Variants in KIAA1958 observed in about 807,000 individuals in gnomAD.
KIAA1958 encodes KIAA1958.
A neutral mutation model predicts 47.2 loss-of-function variants in KIAA1958; 14 were observed. The ratio of observed to expected loss-of-function variants is 0.30; its 90% CI spans 0.20 to 0.46. The LOEUF is 0.46. KIAA1958 is among the 20% of genes least tolerant of loss of function. The pLI, the probability that KIAA1958 is intolerant of heterozygous loss-of-function variation, is 1.00. For missense variants in KIAA1958, 803 were observed against 909.2 expected, an observed-to-expected ratio of 0.88 and a Z score of 1.50; for synonymous variants, 354 against 353.3, an observed-to-expected ratio of 1.00 and a Z score of -0.02.
At chr9:112,506,421 A>G (rs1834236119) in intron 1 of KIAA1958, among the ~76,000 whole-genome samples, 1 of 152,146 alleles carries the variant, frequency 6.6e-6, no homozygotes, top group Non-Finnish European at 1.5e-5. Context: ...ACGCCACTAC[A>G]CTCTAGCCTG....
At chr9:112,532,831 G>A (rs1056062816) in intron 1 of KIAA1958, among the ~76,000 whole-genome samples, 1 of 152,150 alleles carries the variant, frequency 6.6e-6, no homozygotes, top group African/African-American at 2.4e-5. Flanking sequence ...GTACTCAATG[G>A]TAATGCCTCT....
intron 2 of KIAA1958, among the ~76,000 whole-genome samples, chr9:112,595,676 T>TA (rs57064581): frequency 9.7e-5 from 13 of 133,548 alleles, no homozygotes; most frequent in East Asian, 4.4e-4. Context: ...AGACTCCATC[T>TA]AAAAAAAAAA....
intron 2 of KIAA1958, among the ~76,000 whole-genome samples, chr9:112,584,335 A>T (rs1454195840): frequency 6.6e-6 from 1 of 152,252 alleles, no homozygotes; most frequent in African/African-American, 2.4e-5. Context: ...GGTTCATGGT[A>T]AACATACTCT....
At chr9:112,563,081 C>CTA (rs1357997391) in intron 1 of KIAA1958, among the ~76,000 whole-genome samples, 54 of 78,728 alleles carry the variant, frequency 6.9e-4, no homozygotes, top group Admixed American at 2.1e-3. Flanking sequence ...CTCTCTCTCT[C>CTA]TCTCTATATA....
Position 112,618,851 on chromosome 9 carries a change from G to A in KIAA1958, c.1172-26799G>A, listed in dbSNP as rs772489228. On this transcript the variant is annotated intron_variant, in intron 2 of 3. Coordinates refer to ENST00000337530, the MANE Select transcript of KIAA1958 (RefSeq NM_133465.4). The surrounding 1 kb of genome is among the most constrained non-coding windows in gnomAD (Gnocchi z 7.1). ...CCAGCAGGCTGCCCAGTCAGTGGCC[G>A]GCCACTCCAACAATGGCAATTTCAT... The A allele has an allele frequency of 1.8e-5, 28 of 1,550,028 alleles. No homozygotes were observed. Among genetic ancestry groups the A allele is most frequent in the Middle Eastern group, 1.7e-4 (1 of 6,012 alleles).
chr9:112,644,807 T>C (rs569041849), intron 2 of KIAA1958, among the ~76,000 whole-genome samples: 11 of 152,092 alleles, frequency 7.2e-5, no homozygotes, highest in African/African-American at 2.7e-4. Context: ...AACACCTCTC[T>C]CTATGAATTT....
chr9:112,496,387 G>C (rs1834052154), intron 1 of KIAA1958, among the ~76,000 whole-genome samples: 1 of 152,234 alleles, frequency 6.6e-6, no homozygotes, highest in South Asian at 2.1e-4. Flanking sequence ...TGTTCTGTTA[G>C]AAGCCAGAAT....
chr9:112,632,525 A>G (rs1836728101), intron 2 of KIAA1958, among the ~76,000 whole-genome samples: 1 of 152,154 alleles, frequency 6.6e-6, no homozygotes, highest in East Asian at 1.9e-4. Flanking sequence ...CCTGGCCAAC[A>G]TTTAGATATG....
rs71999105 is a variant in KIAA1958 at position 112,635,214 on chromosome 9, T to TTGTGTGTGTGTG, written c.1172-10396_1172-10385dup. Among the ~76,000 whole-genome samples, 291 of 130,408 alleles carry TTGTGTGTGTGTG rather than the reference T, an allele frequency of 2.2e-3. 1 individual carries two copies. Among genetic ancestry groups the TTGTGTGTGTGTG allele is most frequent in the Middle Eastern group, 7.1e-3 (2 of 280 alleles). The allele number at this position is 130,408 out of a possible 152,430, so 85.6% of individuals were successfully genotyped here. A position where few individuals can be genotyped will look rare whatever the true frequency, so the allele number is the denominator to read the frequency against. On this transcript the variant is annotated intron_variant, in intron 2 of 3. Transcript: ENST00000337530. ...AAGTTTTATTTTGAGATTCTTTATTTTGTGTGTGTGTGTGTGTGTGTGTGT... is the reference window on the plus strand; with the variant it reads ...AAGTTTTATTTTGAGATTCTTTATTTTGTGTGTGTGTGTGTGTGTGTGTGTGTGTGTGTGTGT...
chr9:112,490,937 C>G (rs191148763), intron 1 of KIAA1958, among the ~76,000 whole-genome samples: 26 of 152,114 alleles, frequency 1.7e-4, no homozygotes, highest in Non-Finnish European at 3.5e-4. Flanking sequence ...CATTATGTAT[C>G]AAAAGAAATT....
intron 2 of KIAA1958, among the ~76,000 whole-genome samples, chr9:112,621,736 A>G (rs538379690): frequency 1.0e-4 from 15 of 150,576 alleles, no homozygotes; most frequent in African/African-American, 3.1e-4. Flanking sequence ...AAATTACAGT[A>G]TCAGTCTTTG....
At chr9:112,524,626 G>T (rs981124155) in intron 1 of KIAA1958, among the ~76,000 whole-genome samples, 1 of 152,162 alleles carries the variant, frequency 6.6e-6, no homozygotes, top group Non-Finnish European at 1.5e-5. Flanking sequence ...GTTATCCAGA[G>T]ATCTTTCTGT....
At chr9:112,593,287 C>T (rs979934317) in intron 2 of KIAA1958, among the ~76,000 whole-genome samples, 4 of 152,210 alleles carry the variant, frequency 2.6e-5, no homozygotes, top group African/African-American at 9.6e-5. Context: ...TCTGAATATA[C>T]ATCAGTAACC....
chr9:112,488,950 C>T (rs994729941), intron 1 of KIAA1958, among the ~76,000 whole-genome samples: 3 of 152,138 alleles, frequency 2.0e-5, no homozygotes, highest in Non-Finnish European at 2.9e-5. Context: ...TACTTAAAAC[C>T]TAGCAGTGAT....
intron 2 of KIAA1958, among the ~76,000 whole-genome samples, chr9:112,596,965 A>T (rs1836043052): frequency 6.6e-6 from 1 of 152,208 alleles, no homozygotes; most frequent in Non-Finnish European, 1.5e-5. Flanking sequence ...ATGGTTTCTA[A>T]TCAAATGTTT....
At chr9:112,598,792 C>T (rs1282983688) in intron 2 of KIAA1958, among the ~76,000 whole-genome samples, 1 of 152,062 alleles carries the variant, frequency 6.6e-6, no homozygotes, top group Non-Finnish European at 1.5e-5. Flanking sequence ...ATTTTTAGGC[C>T]AAGCATGGTG....
At chr9:112,500,225 C>T (rs1045392662) in intron 1 of KIAA1958, among the ~76,000 whole-genome samples, 4 of 151,984 alleles carry the variant, frequency 2.6e-5, no homozygotes, top group African/African-American at 9.7e-5. Flanking sequence ...CTCAGCCTCC[C>T]GAGTAGCTGG....
At chr9:112,487,946 CGT>C (rs57108785) in intron 1 of KIAA1958, among the ~76,000 whole-genome samples, 3,383 of 145,716 alleles carry the variant, frequency 0.023, 102 homozygotes, top group East Asian at 0.11. Context: ...AGTGTGTGTG[CGT>C]GTGTGTGTGT....
chr9:112,592,990 A>G (rs1483860772), intron 2 of KIAA1958, among the ~76,000 whole-genome samples: 2 of 152,250 alleles, frequency 1.3e-5, no homozygotes, highest in African/African-American at 4.8e-5. Context: ...TTGTTTTAGT[A>G]CACATAGAAA....
Sources: gnomAD v4.1 joint callset for allele counts (sites outside exome capture counted in the v4.1 genomes callset) on GRCh38, gnomAD v4.1.1 for gene constraint, Gnocchi (gnomAD v3.1) non-coding constraint, MANE v1.5 for transcripts, NCBI Gene and HGNC (gene_info 2026-07-23, HGNC 2026-07-21) for gene names.